ZC3H14: variants seen among roughly 807,000 people sequenced by gnomAD.
ZC3H14 encodes zinc finger CCCH domain-containing protein 14.
ZC3H14 carries 31 observed loss-of-function variants against 92.4 expected under a neutral mutation model. That is an observed-to-expected ratio of 0.34 (90% CI 0.25 to 0.45). The LOEUF (loss-of-function observed/expected upper bound fraction) is 0.45. ZC3H14 is among the 20% of genes least tolerant of loss of function. ZC3H14 has a pLI of 1.00. For synonymous variants in ZC3H14, 321 were observed against 300.9 expected, an observed-to-expected ratio of 1.07 and a Z score of -0.69; for missense variants, 781 against 897.3, an observed-to-expected ratio of 0.87 and a Z score of 1.66.
intron 6 of ZC3H14, 144 bp downstream of exon 6, chr14:88,573,151 C>T (rs910736888): frequency 9.2e-5 from 82 of 896,000 alleles, no homozygotes; most frequent in South Asian, 7.6e-4. Context: ...GAGGCCGAGG[C>T]GGGTGGATCA....
At chr14:88,575,502 G>A (rs1566908462) in intron 7 of ZC3H14, among the ~76,000 whole-genome samples, 1 of 152,108 alleles carries the variant, frequency 6.6e-6, no homozygotes, top group Non-Finnish European at 1.5e-5. Context: ...AGACCAGCCT[G>A]GGCGATGTAA....
rs1324008006 is a variant in ZC3H14, at chr14:88,614,543, C to T, written c.*2792C>T. On this transcript the variant is annotated 3_prime_UTR_variant, in exon 17 of 17. Transcript: ENST00000251038. ...CAGGAACCTAAAGCGATCTATTATGCTATAAAGATAATTAACACATTAAAA... is the reference window on the plus strand; with the variant it reads ...CAGGAACCTAAAGCGATCTATTATGTTATAAAGATAATTAACACATTAAAA... 6.6e-6 allele frequency: 1 copy of T among 152,126 alleles called. No homozygotes were observed. The highest frequency in any genetic ancestry group is 1.5e-5 in the Non-Finnish European group (1 of 68,018). The allele number at this position is 152,126 out of a possible 1,614,324, so 9.4% of individuals were successfully genotyped here.
rs116898189 is a variant in ZC3H14, at chr14:88,568,205, T to C, written c.194+52T>C. The C allele has an allele frequency of 8.5e-4, 1,248 of 1,468,638 alleles. 21 individuals are homozygous for C. The East Asian group carries it at 0.025, about 29-fold the overall frequency. 91.0% of individuals were successfully genotyped at this position (1,468,638 alleles called of 1,614,324 possible). A position where few individuals can be genotyped will look rare whatever the true frequency, so the allele number is the denominator to read the frequency against. On this transcript the variant is annotated intron_variant, in intron 3 of 16. Coordinates refer to ENST00000251038, the MANE Select transcript of ZC3H14 (RefSeq NM_024824.5). Reference sequence around the variant, plus strand: ...GACCAAAGTTTGGCACAAGCCTGAGTTGATATTCTGTCCAAAGAGAGGTTC... The same window carrying C: ...GACCAAAGTTTGGCACAAGCCTGAGCTGATATTCTGTCCAAAGAGAGGTTC...
chr14:88,611,657 A>G, intron 16 of ZC3H14, 88 bp from the exon 17 acceptor site: 1 of 1,515,896 alleles, frequency 6.6e-7, no homozygotes, highest in Non-Finnish European at 9.1e-7. Context: ...TTTATTGCTT[A>G]AAACTAGTCA....
chr14:88,588,259 A>G (rs1024094318), intron 9 of ZC3H14, among the ~76,000 whole-genome samples: 2 of 152,136 alleles, frequency 1.3e-5, no homozygotes, highest in African/African-American at 4.8e-5. Flanking sequence ...TCCTCCCCTG[A>G]GTCGGCTCTG....
intron 10 of ZC3H14, among the ~76,000 whole-genome samples, chr14:88,600,935 G>A (rs1406210183): frequency 1.3e-5 from 2 of 151,878 alleles, no homozygotes; most frequent in African/African-American, 2.4e-5. Context: ...TTCCTTCTAC[G>A]TGCGTTTTCC....
rs1055864406 is a variant in ZC3H14, at chr14:88,627,441, T to C, written c.*15690T>C. On this transcript the variant is annotated 3_prime_UTR_variant, in exon 17 of 17. Coordinates refer to ENST00000251038, the MANE Select transcript of ZC3H14 (RefSeq NM_024824.5). ...ATTTATAATGCTAATAATGGTTTCA[T>C]TAATTTATCTGTTTTGTGAGGTTAC... The C allele has an allele frequency of 1.9e-6, 1 of 529,008 alleles. No homozygotes were observed. Among genetic ancestry groups the C allele is most frequent in the African/African-American group, 1.9e-5 (1 of 52,064 alleles). 32.8% of individuals were successfully genotyped at this position (529,008 alleles called of 1,614,324 possible).
intron 11 of ZC3H14, among the ~76,000 whole-genome samples, 175 bp from the exon 12 acceptor site, chr14:88,602,653 A>G (rs1339763635): frequency 6.6e-6 from 1 of 152,200 alleles, no homozygotes; most frequent in South Asian, 2.1e-4. Context: ...GTTCATGGCC[A>G]TCGTGTGTTA....
chr14:88,597,904 C>T (rs1209294731), intron 10 of ZC3H14, among the ~76,000 whole-genome samples: 1 of 152,184 alleles, frequency 6.6e-6, no homozygotes, highest in Non-Finnish European at 1.5e-5. Flanking sequence ...TTCTGTGAGG[C>T]TTATGAATGA....
At chr14:88,610,978 ATTCTTTT>A (rs778382621) in intron 16 of ZC3H14, 38 bp downstream of exon 16, 2 of 1,566,040 alleles carry the variant, frequency 1.3e-6, no homozygotes, top group East Asian at 2.2e-5. Context: ...GTCAGTTCAA[ATTCTTTT>A]TTCTAATTTG....
intron 2 of ZC3H14, chr14:88,567,778 A>G: frequency 2.1e-6 from 1 of 483,886 alleles, no homozygotes; most frequent in Non-Finnish European, 3.8e-6. Context: ...AAGGAAGTGA[A>G]TGCATGCTCA....
intron 12 of ZC3H14, 105 bp from the exon 13 acceptor site, chr14:88,607,138 T>C (rs1273664854): frequency 1.9e-6 from 3 of 1,551,816 alleles, no homozygotes; most frequent in East Asian, 4.6e-5. Context: ...TGACTGTACA[T>C]TTAACAGAAG....
At chr14:88,603,105 G>C in intron 12 of ZC3H14, 45 bp downstream of exon 12, 4 of 1,576,702 alleles carry the variant, frequency 2.5e-6, no homozygotes, top group Non-Finnish European at 3.5e-6. Context: ...ATTGTGAAGG[G>C]AATCTTTGAC....
intron 12 of ZC3H14, among the ~76,000 whole-genome samples, chr14:88,605,439 C>G (rs1381228867): frequency 4.6e-5 from 7 of 152,130 alleles, no homozygotes; most frequent in Non-Finnish European, 1.0e-4. Context: ...TCAAGTGATT[C>G]TCCCACCTCA....
At chr14:88,582,106 G>A (rs1024453923) in intron 9 of ZC3H14, among the ~76,000 whole-genome samples, 12 of 152,184 alleles carry the variant, frequency 7.9e-5, no homozygotes, top group African/African-American at 1.9e-4. Context: ...TAGCCTAAAA[G>A]ATTTGCCAAC....
chr14:88,579,008 G>A (rs2081548377), intron 9 of ZC3H14, among the ~76,000 whole-genome samples: 1 of 151,658 alleles, frequency 6.6e-6, no homozygotes, highest in South Asian at 2.1e-4. Context: ...CAGACCTTTT[G>A]TCTCTTTTGT....
In ZC3H14 at chr14:88,618,679, C is replaced by G. The variant is rs757914696; in HGVS notation, c.*6928C>G. ...AGATAACTGCTATCTGCAGAGAAGT[C>G]CATTTGAATGACAAAGCTTGGAATG... On this transcript the variant is annotated 3_prime_UTR_variant, in exon 17 of 17. Transcript: ENST00000251038. 1 of 1,612,882 alleles carries G rather than the reference C, an allele frequency of 6.2e-7. No homozygotes were observed. The highest frequency in any genetic ancestry group is 1.1e-5 in the South Asian group (1 of 90,722).
chr14:88,566,924 G>GAA (rs1159219239), intron 2 of ZC3H14, among the ~76,000 whole-genome samples: 2 of 116,062 alleles, frequency 1.7e-5, no homozygotes, highest in African/African-American at 3.1e-5. Flanking sequence ...TGTCGTAAAA[G>GAA]AAAAAAAAAA....
At position 88,572,950 on chromosome 14, in the gene ZC3H14, C is replaced by T. The variant is rs889350962; in HGVS notation, c.804C>T (p.Ser268=). Residue 268 remains serine (S), a synonymous_variant, in exon 6 of 17, where the codon AGC becomes AGT. Coordinates refer to ENST00000251038, the MANE Select transcript of ZC3H14 (RefSeq NM_024824.5). ...TGTGTGAACCAGAGGTGCTTAACAGCTTAGAAGAAACGTATAGTCCGTTCT... is the reference window on the plus strand; with the variant it reads ...TGTGTGAACCAGAGGTGCTTAACAGTTTAGAAGAAACGTATAGTCCGTTCT... ...GRLCEPEVLN[S]LEETYSPFFR... The T allele has an allele frequency of 6.2e-7, 1 of 1,614,114 alleles. No homozygotes were observed.
Sources: allele counts gnomAD v4.1 joint callset (sites outside exome capture counted in the v4.1 genomes callset), GRCh38; gene constraint gnomAD v4.1.1; transcripts MANE v1.5; gene names NCBI Gene and HGNC (gene_info 2026-07-23, HGNC 2026-07-21).